Variants in TJP2 observed in about 807,000 individuals in gnomAD.
The protein encoded by TJP2 is tight junction protein 2, also known as Friedreich ataxia region gene X104 (tight junction protein ZO-2).
In TJP2, 91 loss-of-function variants were observed where a neutral mutation model predicts 133.1. The observed-to-expected ratio is 0.68, with a 90% CI of 0.58 to 0.81. The LOEUF (loss-of-function observed/expected upper bound fraction) is 0.81. TJP2 is among the 40% of genes least tolerant of loss of function. The pLI, the probability that TJP2 is intolerant of heterozygous loss-of-function variation, is 0.00. For missense variants in TJP2, 1,541 were observed against 1,565.6 expected (o/e 0.98, Z 0.26); for synonymous variants, 592 against 583.4 (o/e 1.01, Z -0.21).
intron 1 of TJP2, among the ~76,000 whole-genome samples, chr9:69,144,660 T>C (rs1823140063): frequency 6.6e-6 from 1 of 152,226 alleles, no homozygotes; most frequent in Non-Finnish European, 1.5e-5. Context: ...GCCTCCGGCA[T>C]AGCTGGATCC....
chr9:69,122,811 G>A (rs1822206030), intron 1 of TJP2, among the ~76,000 whole-genome samples: 1 of 152,206 alleles, frequency 6.6e-6, no homozygotes, highest in African/African-American at 2.4e-5. Flanking sequence ...CAGGTCTTCT[G>A]TCCAGGTTTC....
chr9:69,197,870 G>T (rs1176197989), intron 1 of TJP2, among the ~76,000 whole-genome samples: 1 of 152,174 alleles, frequency 6.6e-6, no homozygotes, highest in Non-Finnish European at 1.5e-5. Context: ...GGACACCATT[G>T]TCTACCTCCC....
intron 1 of TJP2, among the ~76,000 whole-genome samples, chr9:69,196,074 C>T (rs190102631): frequency 3.4e-3 from 517 of 152,302 alleles, no homozygotes; most frequent in South Asian, 0.019. Flanking sequence ...GCAGTGCTCT[C>T]TCCACAGCCT....
At chr9:69,139,237 C>A (rs11145415) in intron 1 of TJP2, among the ~76,000 whole-genome samples, 1 of 152,028 alleles carries the variant, frequency 6.6e-6, no homozygotes, top group Non-Finnish European at 1.5e-5. Context: ...ACCAACCAAA[C>A]AAAATGTTTT....
chr9:69,188,784 T>A (rs1826021918), intron 1 of TJP2, among the ~76,000 whole-genome samples: 3 of 152,146 alleles, frequency 2.0e-5, no homozygotes, highest in African/African-American at 7.2e-5. Context: ...GAATATGTCT[T>A]ATCATGTGAG....
At position 69,125,487 on chromosome 9, in the gene TJP2, C is replaced by T. The variant is rs1164606843; in HGVS notation, c.-131+3762C>T. 2.5e-4 allele frequency among the ~76,000 whole-genome samples: 18 copies of T among 70,842 alleles called. 5 individuals carry two copies. The highest frequency in any genetic ancestry group is 4.1e-4 in the South Asian group (1 of 2,428). The allele number at this position is 70,842 out of a possible 152,430, so 46.5% of individuals were successfully genotyped here. On this transcript the variant is annotated intron_variant, in intron 1 of 5. Coordinates refer to the TJP2 transcript ENST00000423935. ...ATGCCCAGCTAATTTTTAGTAGAGA[C>T]GGGATTTGTCCATGTTGGCCAGGCT... is the stretch of plus-strand genomic sequence containing the variant.
At chr9:69,174,252 C>A, upstream of TJP2, 4 of 1,520,312 alleles carry the variant, frequency 2.6e-6, no homozygotes. Flanking sequence ...CGCGGGTCGG[C>A]ACCCCGGCGG....
chr9:69,133,772 A>G (rs2133250131), intron 1 of TJP2, among the ~76,000 whole-genome samples: 1 of 151,668 alleles, frequency 6.6e-6, no homozygotes, highest in African/African-American at 2.4e-5. Context: ...GCTGGCCTCG[A>G]ATTCCTGACC....
chr9:69,152,861 C>G (rs556944107), intron 2 of TJP2, among the ~76,000 whole-genome samples: 1 of 111,832 alleles, frequency 8.9e-6, no homozygotes, highest in Non-Finnish European at 1.7e-5. Flanking sequence ...GACGGAGTCT[C>G]GCTCTGTCGC....
chr9:69,230,052 C>G (rs758582316), intron 10 of TJP2, 30 bp from the exon 11 acceptor site: 44 of 1,613,592 alleles, frequency 2.7e-5, no homozygotes, highest in Non-Finnish European at 3.7e-5. Context: ...TATCTCCCAT[C>G]TTTCCTTTCT....
chr9:69,177,666 A>T (rs2275428), intron 1 of TJP2, among the ~76,000 whole-genome samples: 63,376 of 150,546 alleles, frequency 0.42, 13,561 homozygotes, highest in East Asian at 0.62. Context: ...TTTTTTGGAG[A>T]TGGAGTCTTG....
In TJP2 at chr9:69,254,330, G is replaced by A. The variant is rs377241881; in HGVS notation, c.3529G>A (p.Gly1177Ser). 4.0e-5 allele frequency: 65 copies of A among 1,614,240 alleles called. No homozygotes were observed. The highest frequency in any genetic ancestry group is 2.7e-4 in the African/African-American group (20 of 75,072). The change falls in exon 23 of 23, where the codon GGT (glycine) becomes AGT (serine). Residue 1177 changes from glycine (G) to serine (S), a missense_variant. By Grantham distance (56) the Gly-to-Ser change is moderately conservative. Coordinates refer to ENST00000377245, the MANE Select transcript of TJP2 (RefSeq NM_004817.4). Reference protein sequence around the residue: ...RQQLSEHSKRGYYGQSARYRD... With the variant: ...RQQLSEHSKRSYYGQSARYRD... Reference sequence around the variant, plus strand: ...GCAGCTGTCAGAACACTCCAAGCGCGGTTACTATGGCCAGTCTGCCCGATA... The same window carrying A: ...GCAGCTGTCAGAACACTCCAAGCGCAGTTACTATGGCCAGTCTGCCCGATA...
chr9:69,212,585 C>T lies in TJP2; in HGVS notation c.98C>T (p.Thr33Ile), dbSNP rs552454707. The T allele has an allele frequency of 3.1e-6, 5 of 1,613,046 alleles. No individual in the cohort carries two copies. Among genetic ancestry groups the T allele is most frequent in the Admixed American group, 3.3e-5 (2 of 60,030 alleles). ...GMEELIWEQYTVTLQKDSKRG... is the reference protein window; with the variant it reads ...GMEELIWEQYIVTLQKDSKRG... ...GAAGAGCTGATATGGGAACAGTACACTGTGACCCTACAAAAGGTGAGTTCT... is the reference window on the plus strand; with the variant it reads ...GAAGAGCTGATATGGGAACAGTACATTGTGACCCTACAAAAGGTGAGTTCT... Residue 33 changes from threonine to isoleucine, a missense_variant, in exon 2 of 23, where the codon ACT (threonine) becomes ATT (isoleucine). Coordinates refer to ENST00000377245, the MANE Select transcript of TJP2 (RefSeq NM_004817.4).
At chr9:69,213,248 A>C (rs573032934) in intron 2 of TJP2, among the ~76,000 whole-genome samples, 2 of 152,028 alleles carry the variant, frequency 1.3e-5, no homozygotes, top group Non-Finnish European at 2.9e-5. Flanking sequence ...TTTTTAATAG[A>C]GACGGGGTTT....
chr9:69,139,466 T>G (rs1479719133), intron 1 of TJP2, among the ~76,000 whole-genome samples: 1 of 152,190 alleles, frequency 6.6e-6, no homozygotes, highest in Non-Finnish European at 1.5e-5. Flanking sequence ...GAAGGTAATG[T>G]GAAGACATAG....
At chr9:69,244,825 A>T (rs1830815431) in intron 17 of TJP2, among the ~76,000 whole-genome samples, 1 of 152,162 alleles carries the variant, frequency 6.6e-6, no homozygotes, top group South Asian at 2.1e-4. Context: ...CTTGACTGTT[A>T]ATGTGAATTC....
At chr9:69,134,898 G>C (rs1173190260) in intron 1 of TJP2, among the ~76,000 whole-genome samples, 1 of 151,924 alleles carries the variant, frequency 6.6e-6, no homozygotes, top group African/African-American at 2.4e-5. Context: ...TGCTCACATG[G>C]CCTTTCCTGG....
At chr9:69,235,484 G>A (rs980826527) in intron 12 of TJP2, among the ~76,000 whole-genome samples, 24 of 151,672 alleles carry the variant, frequency 1.6e-4, no homozygotes, top group African/African-American at 3.6e-4. Flanking sequence ...CACCACGCCC[G>A]GCTAATTTTT....
chr9:69,237,634 T>C (rs933824118), intron 14 of TJP2, among the ~76,000 whole-genome samples: 2 of 133,688 alleles, frequency 1.5e-5, no homozygotes, highest in African/African-American at 2.8e-5. Flanking sequence ...CTGGGCAACA[T>C]AGTGAGATCT....
Sources: allele counts gnomAD v4.1 joint callset (sites outside exome capture counted in the v4.1 genomes callset), GRCh38; gene constraint gnomAD v4.1.1; transcripts MANE v1.5; gene names NCBI Gene and HGNC (gene_info 2026-07-23, HGNC 2026-07-21).